Variants in PDHX observed in about 807,000 individuals in gnomAD.
PDHX encodes the protein pyruvate dehydrogenase complex component X.
A neutral mutation model predicts 55.3 loss-of-function variants in PDHX; 33 were observed. The ratio of observed to expected loss-of-function variants is 0.60; its 90% CI spans 0.45 to 0.80. The LOEUF is 0.80. Ranked by LOEUF, PDHX falls within the 30% of genes least tolerant of loss-of-function variation. The pLI is 0.00. For missense variants in PDHX, 622 were observed against 619.9 expected (o/e 1.00, Z -0.04); for synonymous variants, 226 against 219.4 (o/e 1.03, Z -0.27).
At chr11:34,932,508 T>C (rs1479320154) in intron 2 of PDHX, among the ~76,000 whole-genome samples, 1 of 152,154 alleles carries the variant, frequency 6.6e-6, no homozygotes, top group East Asian at 1.9e-4. Flanking sequence ...TGGTAAGAAA[T>C]ACGCAGACAC....
chr11:34,985,168 C>T lies in PDHX; in HGVS notation c.1182+440C>T, dbSNP rs572500300. On this transcript the variant is annotated intron_variant, in intron 9 of 10. Transcript: ENST00000227868. ...CCATTAAAAGAACTTAGCGGCCAGG[C>T]GCGGTGTCTCACGCCTGTAATGCCA... 2.4e-3 allele frequency among the ~76,000 whole-genome samples: 373 copies of T among 152,262 alleles called. 1 individual carries two copies. The highest frequency in any genetic ancestry group is 0.014 in the Middle Eastern group (4 of 294).
chr11:34,916,316 T>G (rs761422179), upstream of PDHX: 14 of 1,609,190 alleles, frequency 8.7e-6, no homozygotes, highest in Non-Finnish European at 1.1e-5. Context: ...CGGCCTCCAA[T>G]CTCCGCACGG....
chr11:34,957,295 TAAGGG>T, intron 3 of PDHX, 84 bp from the exon 4 acceptor site: 1 of 927,330 alleles, frequency 1.1e-6, no homozygotes, highest in Non-Finnish European at 1.7e-6. Flanking sequence ...TAAGATATCT[TAAGGG>T]GAGAATTACC....
intron 2 of PDHX, among the ~76,000 whole-genome samples, chr11:34,943,538 C>G (rs1478685563): frequency 6.6e-6 from 1 of 151,940 alleles, no homozygotes; most frequent in African/African-American, 2.4e-5. Context: ...TGCTTTTTTT[C>G]CCTTTTGAAG....
At chr11:34,978,222 G>A in intron 8 of PDHX, 40 bp downstream of exon 8, 1 of 1,152,284 alleles carries the variant, frequency 8.7e-7, no homozygotes, top group Non-Finnish European at 1.3e-6. Context: ...TTCTTAAGTA[G>A]TTTCATGTCG....
intron 2 of PDHX, among the ~76,000 whole-genome samples, chr11:34,934,863 G>C (rs1314131102): frequency 6.6e-6 from 1 of 151,786 alleles, no homozygotes; most frequent in Admixed American, 6.6e-5. Context: ...ACAGGCATAA[G>C]CCACCGCACC....
chr11:34,990,578 A>T (rs1209726132), intron 9 of PDHX, among the ~76,000 whole-genome samples: 1 of 152,214 alleles, frequency 6.6e-6, no homozygotes, highest in African/African-American at 2.4e-5. Context: ...CCTTTAAAAA[A>T]TGCCTTTTAA....
At position 34,995,731 on chromosome 11, in the gene PDHX, A is replaced by AT. The variant is rs1855845659; in HGVS notation, c.*565dup. 1 of 155,556 alleles carries AT rather than the reference A, an allele frequency of 6.4e-6. No individual in the cohort carries two copies. The highest frequency in any genetic ancestry group is 1.4e-5 in the Non-Finnish European group (1 of 70,068). 9.6% of individuals were successfully genotyped at this position (155,556 alleles called of 1,614,324 possible). ...TTAGGGGTTATGGCAACATTATTGA[A>AT]TTTTTTATGTACATAAAGCCATATG... On this transcript the variant is annotated 3_prime_UTR_variant, in exon 11 of 11. Transcript: ENST00000227868.
intron 3 of PDHX, among the ~76,000 whole-genome samples, chr11:34,954,836 A>G (rs916637107): frequency 1.3e-5 from 2 of 152,218 alleles, no homozygotes; most frequent in African/African-American, 4.8e-5. Flanking sequence ...TGAAGTAGCT[A>G]CTGTTATTTG....
chr11:34,942,372 A>T (rs1169031737), intron 2 of PDHX, among the ~76,000 whole-genome samples: 4 of 152,234 alleles, frequency 2.6e-5, no homozygotes, highest in African/African-American at 7.2e-5. Flanking sequence ...GTGTTACATA[A>T]AGATGTATGT....
In PDHX at chr11:34,939,074, G is replaced by A. The variant is rs1021166715; in HGVS notation, c.241+7590G>A. Among the ~76,000 whole-genome samples, 12 of 152,094 alleles carry A rather than the reference G, an allele frequency of 7.9e-5. 1 individual carries two copies. The highest frequency in any genetic ancestry group is 7.2e-4 in the Admixed American group (11 of 15,268). On this transcript the variant is annotated intron_variant, in intron 2 of 10. Transcript: ENST00000227868. The stretch of plus-strand genomic sequence containing the variant: ...TGCTTTTCATTAACACTTATTTACT[G>A]TATACATGGGTGTCAATATATGTTT...
chr11:34,984,598 A>T lies in PDHX; in HGVS notation c.1052A>T (p.Asp351Val), dbSNP rs200866298. 6.2e-7 allele frequency: 1 copy of T among 1,614,022 alleles called. No individual in the cohort carries two copies. Among genetic ancestry groups the T allele is most frequent in the Non-Finnish European group, 8.5e-7 (1 of 1,179,958 alleles). The change falls in exon 9 of 11, where the codon GAT becomes GTT. Residue 351 changes from aspartate (D) to valine (V), a missense_variant. Asp to Val is a radical substitution (Grantham distance 152). Transcript: ENST00000227868. ...KQMPDVNVSW[D>V]GEGPKQLPFI... ...ATGCCAGATGTTAATGTAAGCTGGG[A>T]TGGAGAGGGCCCAAAGCAACTGCCA...
intron 1 of PDHX, among the ~76,000 whole-genome samples, chr11:34,928,611 A>G (rs1854082428): frequency 6.6e-6 from 1 of 152,172 alleles, no homozygotes; most frequent in South Asian, 2.1e-4. Context: ...AAGGCAGTAG[A>G]CACACCACAT....
intron 1 of PDHX, among the ~76,000 whole-genome samples, chr11:34,919,703 T>A (rs1167991471): frequency 6.6e-6 from 1 of 152,226 alleles, no homozygotes; most frequent in East Asian, 1.9e-4. Flanking sequence ...ATCTTTAATT[T>A]GTATCATTCT....
At chr11:34,936,930 A>AGGC (rs1324137032) in intron 2 of PDHX, among the ~76,000 whole-genome samples, 1 of 151,826 alleles carries the variant, frequency 6.6e-6, no homozygotes, top group East Asian at 1.9e-4. Flanking sequence ...CTGGGACTAC[A>AGGC]GGCGAGCACC....
At chr11:34,918,612 G>A (rs992168638) in intron 1 of PDHX, among the ~76,000 whole-genome samples, 43 of 152,180 alleles carry the variant, frequency 2.8e-4, no homozygotes, top group African/African-American at 1.0e-3. Context: ...TCAGGAAGAA[G>A]GCATGGCATC....
At chr11:34,966,384 A>G (rs1173332276) in intron 5 of PDHX, among the ~76,000 whole-genome samples, 1 of 152,172 alleles carries the variant, frequency 6.6e-6, no homozygotes, top group Non-Finnish European at 1.5e-5. Flanking sequence ...AAAAATCACT[A>G]CTTATGCCCA....
chr11:34,966,981 A>G (rs1855150133), intron 6 of PDHX, among the ~76,000 whole-genome samples, 167 bp downstream of exon 6: 1 of 151,726 alleles, frequency 6.6e-6, no homozygotes, highest in African/African-American at 2.4e-5. Context: ...CTTCCTGAGT[A>G]GCTGGGATTA....
In PDHX at chr11:34,966,749, GCTGGACCAT is replaced by G. The variant is rs765244722; in HGVS notation, c.754_762del (p.Gly252_Ser254del). 5.6e-6 allele frequency: 9 copies of G among 1,614,106 alleles called. No individual in the cohort carries two copies. Among genetic ancestry groups the G allele is most frequent in the Non-Finnish European group, 7.6e-6 (9 of 1,180,000 alleles). Reference sequence around the variant, plus strand: ...AGCACCTTCGCCCCTACAGGCCACAGCTGGACCATCTTATCCCCGGCCTGTGATCCCACC... The same window carrying G: ...AGCACCTTCGCCCCTACAGGCCACAGCTTATCCCCGGCCTGTGATCCCACC... On this transcript the variant is annotated inframe_deletion, in exon 6 of 11. Transcript: ENST00000227868.
Sources: allele counts gnomAD v4.1 joint callset (sites outside exome capture counted in the v4.1 genomes callset), GRCh38; gene constraint gnomAD v4.1.1; transcripts MANE v1.5; gene names NCBI Gene and HGNC (gene_info 2026-07-23, HGNC 2026-07-21).